ATM: variants seen among roughly 807,000 people sequenced by gnomAD.
ATM encodes the protein serine-protein kinase ATM.
ATM carries 308 observed loss-of-function variants against 387.0 expected under a neutral mutation model. That is an observed-to-expected ratio of 0.80 (90% CI 0.73 to 0.87). The LOEUF is 0.87. Among genes scored for constraint, ATM ranks in the 40% least tolerant of loss-of-function variants. ATM has a pLI of 0.00. For missense variants in ATM, 3,312 were observed against 3,560.9 expected, an observed-to-expected ratio of 0.93 and a Z score of 1.78; for synonymous variants, 1,156 against 1,187.3, an observed-to-expected ratio of 0.97 and a Z score of 0.54.
intron 43 of ATM, among the ~76,000 whole-genome samples, chr11:108,319,162 G>C (rs1349269230): frequency 6.6e-6 from 1 of 152,188 alleles, no homozygotes; most frequent in East Asian, 1.9e-4. Flanking sequence ...AGGCAACAGA[G>C]TGAGACTCTG....
In ATM at chr11:108,328,085, C is replaced by T. The variant is rs540146904; in HGVS notation, c.7089+327C>T. 2.3e-4 allele frequency among the ~76,000 whole-genome samples: 35 copies of T among 152,240 alleles called. No homozygotes were observed. The South Asian group carries it at 6.8e-3, about 30-fold the overall frequency. On this transcript the variant is annotated intron_variant, in intron 48 of 62. Coordinates refer to ENST00000675843, the MANE Select transcript of ATM (RefSeq NM_000051.4). ...ACTGATTAAGAATAGGCAAGTCAGC[C>T]CTTGCTCTTCATTAGCCCAGCCACC...
chr11:108,255,269 T>C (rs560904803), intron 13 of ATM, among the ~76,000 whole-genome samples: 2 of 152,280 alleles, frequency 1.3e-5, no homozygotes, highest in South Asian at 4.1e-4. Context: ...GACATTCTTC[T>C]GCACCACAAT....
rs1028130059 is a variant in ATM at position 108,367,775 on chromosome 11, T to C, written c.*2267T>C. On this transcript the variant is annotated 3_prime_UTR_variant, in exon 63 of 63. Transcript: ENST00000675843. ...TGGACTATAAATTTCTTGGTTTGAC[T>C]TCTGGAGAACTGTTCAGAATATTAC... is the stretch of plus-strand genomic sequence containing the variant. 4.6e-6 allele frequency: 1 copy of C among 215,976 alleles called. No homozygotes were observed. The highest frequency in any genetic ancestry group is 2.3e-5 in the African/African-American group (1 of 44,372). The allele number at this position is 215,976 out of a possible 1,614,324, so 13.4% of individuals were successfully genotyped here.
intron 60 of ATM, among the ~76,000 whole-genome samples, 196 bp downstream of exon 60, chr11:108,354,076 C>CACA (rs1555143106): frequency 6.7e-6 from 1 of 148,310 alleles, no homozygotes; most frequent in Non-Finnish European, 1.5e-5. Context: ...CACAAACACA[C>CACA]ACACACACAC....
chr11:108,310,407 C>A (rs2136024650), intron 39 of ATM, 92 bp downstream of exon 39: 2 of 1,187,216 alleles, frequency 1.7e-6, no homozygotes, highest in Middle Eastern at 2.7e-4. Context: ...CCTCCTGTTC[C>A]CCATTTAAAA....
rs3218670 is a variant in ATM at position 108,316,016 on chromosome 11, G to C, written c.6101G>C (p.Arg2034Pro). ...TTCACAATCTTTTCTTATAGACTAC[G>C]AACATATGAACACGAAGCAATGTGG... ...GKMLQPITRL[R>P]TYEHEAMWGK... is the part of the protein sequence containing the mutation. Residue 2034 changes from arginine to proline, a missense_variant, in exon 42 of 63, where the codon CGA becomes CCA. Arg to Pro is a moderately radical substitution (Grantham distance 103). This residue lies in a region of ATM where 1,405 missense variants were observed against 1,604.4 expected (regional missense o/e 0.88). Coordinates refer to ENST00000675843, the MANE Select transcript of ATM (RefSeq NM_000051.4). 1 of 1,614,018 alleles carries C rather than the reference G, an allele frequency of 6.2e-7. No individual in the cohort carries two copies. The highest frequency in any genetic ancestry group is 8.5e-7 in the Non-Finnish European group (1 of 1,179,960).
At chr11:108,289,926 C>A (rs1475624779) in intron 29 of ATM, 125 bp downstream of exon 29, 2 of 829,508 alleles carry the variant, frequency 2.4e-6, no homozygotes, top group Non-Finnish European at 3.8e-6. Context: ...GGTGCAGTCA[C>A]GGCTCACTGC....
At chr11:108,357,013 C>G (rs1390278503) in intron 61 of ATM, among the ~76,000 whole-genome samples, 3 of 152,210 alleles carry the variant, frequency 2.0e-5, no homozygotes, top group Admixed American at 6.5e-5. Flanking sequence ...CAGGTGATTT[C>G]TGCATTTCCA....
Position 108,335,898 on chromosome 11 carries a change from T to G in ATM, c.8205T>G (p.Cys2735Trp). ...TCATGCAACAGGTCTTCCAGATGTG[T>G]AATACATTACTGCAGAGAAACACGG... ...DAVMQQVFQM[C>W]NTLLQRNTET... Residue 2735 changes from cysteine to tryptophan, a missense_variant, in exon 56 of 63, where the codon TGT (cysteine) becomes TGG (tryptophan). Transcript: ENST00000675843. The G allele has an allele frequency of 6.2e-7, 1 of 1,614,072 alleles. No homozygotes were observed. Among genetic ancestry groups the G allele is most frequent in the Non-Finnish European group, 8.5e-7 (1 of 1,179,966 alleles).
chr11:108,361,751 A>C (rs1321808228), intron 61 of ATM, among the ~76,000 whole-genome samples: 16 of 152,210 alleles, frequency 1.1e-4, no homozygotes, highest in Admixed American at 6.5e-4. Context: ...CCATATGGAG[A>C]AAGCTGAAAC....
rs557005751 is a variant in ATM at position 108,351,302 on chromosome 11, A to G, written c.8672-2464A>G. Among the ~76,000 whole-genome samples the G allele has an allele frequency of 2.0e-5, 3 of 152,312 alleles. No individual in the cohort carries two copies. The South Asian group carries it at 6.2e-4, about 32-fold the overall frequency. On this transcript the variant is annotated intron_variant, in intron 59 of 62. Coordinates refer to ENST00000675843, the MANE Select transcript of ATM (RefSeq NM_000051.4). ...AAGGGGGCCTCTGGAATGCTGGTAG[A>G]GTTCTGTTAACGTGGATTTGTTCAC...
At chr11:108,312,366 C>A in intron 39 of ATM, 45 bp from the exon 40 acceptor site, 1 of 1,432,040 alleles carries the variant, frequency 7.0e-7, no homozygotes, top group Non-Finnish European at 9.9e-7. Context: ...CAGGAGCTTC[C>A]AAATAGTATG....
At position 108,284,255 on chromosome 11, in the gene ATM, C is replaced by A. The variant is rs2135704887; in HGVS notation, c.3775C>A (p.Leu1259Met). ...TTGTTATAAGGTTTTGATTCCACAT[C>A]TGGTGATTAGAAGTCATTTTGATGA... ...RSCYKVLIPH[L>M]VIRSHFDEVK... Residue 1259 changes from leucine to methionine, a missense_variant, in exon 26 of 63, where the codon CTG (leucine) becomes ATG (methionine). Physicochemically the swap from Leu to Met is conservative, Grantham distance 15. Around this residue, in one of 4 missense-constraint regions of ATM, gnomAD observed 1,791 missense variants for 1,804.5 expected, o/e 0.99. Coordinates refer to ENST00000675843, the MANE Select transcript of ATM (RefSeq NM_000051.4). 1 of 1,611,424 alleles carries A rather than the reference C, an allele frequency of 6.2e-7. No individual in the cohort carries two copies. Among genetic ancestry groups the A allele is most frequent in the Non-Finnish European group, 8.5e-7 (1 of 1,177,822 alleles).
chr11:108,290,247 A>G (rs1251179547), intron 29 of ATM: 1 of 153,406 alleles, frequency 6.5e-6, no homozygotes, highest in Admixed American at 6.5e-5. Context: ...TAAGATGTCT[A>G]TTATATTTAC....
In ATM at chr11:108,304,709, A is replaced by G. The variant is rs876658907; in HGVS notation, c.5531A>G (p.Tyr1844Cys). 6.2e-7 allele frequency: 1 copy of G among 1,613,994 alleles called. No homozygotes were observed. Among genetic ancestry groups the G allele is most frequent in the Non-Finnish European group, 8.5e-7 (1 of 1,179,940 alleles). ...KTDFCQTVLP[Y>C]LIHDILLQDT... ...GACTTTTGTCAGACTGTACTTCCATACTTGATTCATGATATTTTACTCCAA... is the reference window on the plus strand; with the variant it reads ...GACTTTTGTCAGACTGTACTTCCATGCTTGATTCATGATATTTTACTCCAA... Residue 1844 changes from tyrosine (Y) to cysteine (C), a missense_variant, in exon 37 of 63, where the codon TAC becomes TGC. Transcript: ENST00000675843.
chr11:108,340,786 A>C (rs778958740), intron 56 of ATM, among the ~76,000 whole-genome samples: 61 of 152,188 alleles, frequency 4.0e-4, no homozygotes, highest in Middle Eastern at 3.2e-3. Flanking sequence ...TGGTGTATGA[A>C]GCATTTGCCT....
At position 108,259,219 on chromosome 11, in the gene ATM, G is replaced by T. The variant is rs998047944; in HGVS notation, c.2466+144G>T. ...AATGTGGAAATTAAGGCCAGGTGCG[G>T]TGGCTCATGCCTGTAACCCCAGCAC... On this transcript the variant is annotated intron_variant, in intron 16 of 62. Transcript: ENST00000675843. The T allele has an allele frequency of 3.9e-6, 3 of 762,176 alleles. No individual in the cohort carries two copies. The African/African-American group carries it at 5.2e-5, about 13-fold the overall frequency. The allele number at this position is 762,176 out of a possible 1,614,324, so 47.2% of individuals were successfully genotyped here.
chr11:108,298,425 C>T (rs577835527), intron 33 of ATM, among the ~76,000 whole-genome samples: 5 of 152,212 alleles, frequency 3.3e-5, no homozygotes, highest in Admixed American at 2.6e-4. Flanking sequence ...TTGCAGAGTA[C>T]GCTTGTACAT....
chr11:108,238,327 A>G (rs542692045), intron 5 of ATM, among the ~76,000 whole-genome samples: 22 of 151,078 alleles, frequency 1.5e-4, no homozygotes, highest in Non-Finnish European at 3.1e-4. Context: ...TTATATATTA[A>G]AAAAAATAGA....
Sources: allele counts gnomAD v4.1 joint callset (sites outside exome capture counted in the v4.1 genomes callset), GRCh38; gene constraint gnomAD v4.1.1; regional missense constraint gnomAD v4.1.1; transcripts MANE v1.5; gene names NCBI Gene and HGNC (gene_info 2026-07-23, HGNC 2026-07-21).